Variants in DLGAP2 observed in about 807,000 individuals in gnomAD.
DLGAP2 encodes the protein disks large-associated protein 2.
Under a neutral mutation model 100.3 loss-of-function variants are expected in DLGAP2, and 26 were observed. The observed-to-expected ratio is 0.26, with a 90% confidence interval of 0.19 to 0.36. The LOEUF (loss-of-function observed/expected upper bound fraction) is 0.36, where lower values mean the gene tolerates loss of function less well. Ranked by LOEUF, DLGAP2 falls within the 10% of genes least tolerant of loss-of-function variation. The pLI, the probability that DLGAP2 is intolerant of heterozygous loss-of-function variation, is 1.00. For missense variants in DLGAP2, 1,858 were observed against 1,453.2 expected (o/e 1.28, Z -4.53); for synonymous variants, 886 against 630.1 (o/e 1.41, Z -6.08).
chr8:1,364,510 G>GC (rs1554452293), intron 3 of DLGAP2, among the ~76,000 whole-genome samples: 2 of 149,090 alleles, frequency 1.3e-5, no homozygotes, highest in African/African-American at 2.5e-5. Context: ...GGCGGGGGGG[G>GC]TGCAGCGAAG....
At chr8:1,620,238 C>G (rs1423651546) in intron 6 of DLGAP2, 2 of 152,258 alleles carry the variant, frequency 1.3e-5, no homozygotes, top group Non-Finnish European at 2.9e-5. Context: ...GACGGTCTTT[C>G]CCCATCTCAT....
intron 1 of DLGAP2, among the ~76,000 whole-genome samples, chr8:839,600 G>T (rs1216944076): frequency 6.6e-6 from 1 of 152,128 alleles, no homozygotes; most frequent in African/African-American, 2.4e-5. Context: ...CTGGCCAAAG[G>T]GTACAGAAGT....
chr8:1,039,955 C>T (rs1258291631), intron 2 of DLGAP2, among the ~76,000 whole-genome samples: 4 of 148,362 alleles, frequency 2.7e-5, no homozygotes, highest in Non-Finnish European at 4.5e-5. Flanking sequence ...TTTCCGTGGT[C>T]AGCTCGGTGT....
At chr8:1,298,353 C>A (rs1423107343) in intron 3 of DLGAP2, among the ~76,000 whole-genome samples, 2 of 152,196 alleles carry the variant, frequency 1.3e-5, no homozygotes, top group African/African-American at 4.8e-5. Context: ...GAGGCCGCGT[C>A]CTTCCACATG....
At chr8:1,274,513 G>A (rs574557900) in intron 3 of DLGAP2, among the ~76,000 whole-genome samples, 1 of 145,426 alleles carries the variant, frequency 6.9e-6, no homozygotes, top group Admixed American at 7.0e-5. Context: ...ATTTGTTTTA[G>A]AACATAAACC....
At chr8:1,617,950 G>A (rs1797210581) in intron 6 of DLGAP2, among the ~76,000 whole-genome samples, 1 of 152,138 alleles carries the variant, frequency 6.6e-6, no homozygotes, top group Non-Finnish European at 1.5e-5. Context: ...TAAAGTAAGT[G>A]GAATAAGTAA....
chr8:1,656,625 C>T (rs1798291355), intron 8 of DLGAP2, among the ~76,000 whole-genome samples: 1 of 152,204 alleles, frequency 6.6e-6, no homozygotes. Context: ...ACACCTCTTC[C>T]CTGCCCCATT....
chr8:1,523,772 A>G (rs1379292388), intron 4 of DLGAP2, among the ~76,000 whole-genome samples: 1 of 152,220 alleles, frequency 6.6e-6, no homozygotes, highest in Non-Finnish European at 1.5e-5. Flanking sequence ...CTAAAAGACA[A>G]GCTCCCGAGG....
chr8:1,275,977 TATA>T (rs1469729153), intron 3 of DLGAP2, among the ~76,000 whole-genome samples: 3 of 129,022 alleles, frequency 2.3e-5, no homozygotes, highest in South Asian at 2.2e-4. Context: ...TATATATAAA[TATA>T]ATATATAAAT....
intron 2 of DLGAP2, among the ~76,000 whole-genome samples, chr8:1,181,683 T>G (rs1214603288): frequency 6.6e-6 from 1 of 152,132 alleles, no homozygotes; most frequent in African/African-American, 2.4e-5. Context: ...CCCTGAACTT[T>G]AAAGTTAAAT....
chr8:1,506,485 A>G (rs1032836386), intron 4 of DLGAP2, among the ~76,000 whole-genome samples: 6 of 152,202 alleles, frequency 3.9e-5, no homozygotes, highest in African/African-American at 1.2e-4. Context: ...GTGAAGCTGC[A>G]GATCTTCGCG....
At chr8:1,688,810 C>G (rs1232875838) in intron 12 of DLGAP2, among the ~76,000 whole-genome samples, 1 of 152,198 alleles carries the variant, frequency 6.6e-6, no homozygotes, top group Non-Finnish European at 1.5e-5. Flanking sequence ...ATGAGGGAGG[C>G]ACCGCACACA....
At chr8:1,527,631 C>G (rs1800837455) in intron 4 of DLGAP2, among the ~76,000 whole-genome samples, 1 of 152,162 alleles carries the variant, frequency 6.6e-6, no homozygotes, top group African/African-American at 2.4e-5. Flanking sequence ...AATACGCTTC[C>G]TTTTATAACC....
chr8:790,497 G>C (rs1264232385), intron 1 of DLGAP2, among the ~76,000 whole-genome samples: 1 of 152,182 alleles, frequency 6.6e-6, no homozygotes, highest in Non-Finnish European at 1.5e-5. Context: ...ATAGAGATCA[G>C]AATGTAGCAA....
intron 1 of DLGAP2, among the ~76,000 whole-genome samples, chr8:817,154 A>C (rs1484092586): frequency 6.6e-6 from 1 of 152,092 alleles, no homozygotes; most frequent in African/African-American, 2.4e-5. Flanking sequence ...AAAAAAAAAA[A>C]AAAAAGAAAG....
intron 3 of DLGAP2, among the ~76,000 whole-genome samples, chr8:1,458,271 T>C (rs1798377990): frequency 1.3e-5 from 2 of 151,946 alleles, no homozygotes; most frequent in Non-Finnish European, 2.9e-5. Flanking sequence ...AAACACAAAA[T>C]TTTTGAGTTT....
At chr8:837,685 T>G (rs1328029876) in intron 1 of DLGAP2, among the ~76,000 whole-genome samples, 1 of 149,990 alleles carries the variant, frequency 6.7e-6, no homozygotes, top group Non-Finnish European at 1.5e-5. Flanking sequence ...TGTGTGTGTG[T>G]GTATATAATA....
chr8:1,094,864 C>G (rs1443765463), intron 2 of DLGAP2, among the ~76,000 whole-genome samples: 1 of 152,244 alleles, frequency 6.6e-6, no homozygotes, highest in Non-Finnish European at 1.5e-5. Context: ...CGTCCTGACC[C>G]CTTGGGCGAG....
At chr8:1,367,533 C>T (rs1411706822) in intron 3 of DLGAP2, among the ~76,000 whole-genome samples, 5 of 152,164 alleles carry the variant, frequency 3.3e-5, no homozygotes, top group Admixed American at 6.5e-5. Flanking sequence ...TGCTGGGGGC[C>T]GCAGAGGACA....
Sources: allele counts gnomAD v4.1 joint callset (sites outside exome capture counted in the v4.1 genomes callset), GRCh38; gene constraint gnomAD v4.1.1; transcripts MANE v1.5; gene names NCBI Gene and HGNC (gene_info 2026-07-23, HGNC 2026-07-21).